The following SLC25A48 variants were observed in gnomAD, a reference collection of about 807,000 sequenced individuals.
The protein encoded by SLC25A48 is CTC-321K16.1.
Under a neutral mutation model 32.2 loss-of-function variants are expected in SLC25A48, and 29 were observed. The observed-to-expected ratio is 0.90, with a 90% CI of 0.67 to 1.23. The LOEUF is 1.23. Ranked by LOEUF, SLC25A48 falls within the 50% of genes most tolerant of loss-of-function variation. SLC25A48 has a pLI of 0.00. For missense variants in SLC25A48, 399 were observed against 422.7 expected (o/e 0.94, Z 0.49); for synonymous variants, 164 against 172.3 (o/e 0.95, Z 0.38).
chr5:135,615,416 C>T (rs969828497), intron 1 of SLC25A48, among the ~76,000 whole-genome samples: 2 of 152,182 alleles, frequency 1.3e-5, no homozygotes, highest in Non-Finnish European at 2.9e-5. Flanking sequence ...AGGTTGGTGG[C>T]ATTGTGCTCC....
At chr5:135,622,260 C>G (rs574641899) in intron 1 of SLC25A48, among the ~76,000 whole-genome samples, 18 of 152,290 alleles carry the variant, frequency 1.2e-4, no homozygotes, top group Admixed American at 3.3e-4. Flanking sequence ...TTCTGAAATG[C>G]TTATATCAAG....
chr5:135,701,472 C>G (rs1022896519), intron 3 of SLC25A48, among the ~76,000 whole-genome samples: 1 of 152,008 alleles, frequency 6.6e-6, no homozygotes, highest in Non-Finnish European at 1.5e-5. Flanking sequence ...ATAACTCCCC[C>G]CCGCCACCGG....
At chr5:135,613,433 A>T (rs1752118322) in intron 1 of SLC25A48, among the ~76,000 whole-genome samples, 1 of 152,000 alleles carries the variant, frequency 6.6e-6, no homozygotes, top group South Asian at 2.1e-4. Context: ...AGTTTATTAT[A>T]ATTTCATTTG....
chr5:135,874,510 G>T (rs1179424446), intron 6 of SLC25A48, among the ~76,000 whole-genome samples: 2 of 152,136 alleles, frequency 1.3e-5, no homozygotes, highest in Non-Finnish European at 2.9e-5. Context: ...ATGGCTCAGT[G>T]CCTTCCCCAC....
At chr5:135,777,469 A>T (rs1449540477) in intron 3 of SLC25A48, among the ~76,000 whole-genome samples, 1 of 151,476 alleles carries the variant, frequency 6.6e-6, no homozygotes, top group African/African-American at 2.4e-5. Context: ...CCCCCCTGTG[A>T]TATTGTTTCT....
At chr5:135,756,408 T>G (rs4036631) in intron 3 of SLC25A48, among the ~76,000 whole-genome samples, 115,889 of 151,988 alleles carry the variant, frequency 0.76, 44,761 homozygotes, top group Middle Eastern at 0.87. Context: ...ATATCGACCT[T>G]GTGTGGTGGC....
At chr5:135,794,591 G>C (rs1757118494) in intron 3 of SLC25A48, among the ~76,000 whole-genome samples, 1 of 151,654 alleles carries the variant, frequency 6.6e-6, no homozygotes, top group African/African-American at 2.4e-5. Flanking sequence ...CACTCCCCAT[G>C]TGAAATTGTT....
chr5:135,701,763 A>G (rs1000088330), intron 3 of SLC25A48, among the ~76,000 whole-genome samples: 1 of 152,196 alleles, frequency 6.6e-6, no homozygotes, highest in African/African-American at 2.4e-5. Context: ...TGGATGGGCT[A>G]TATGGAGTGT....
intron 3 of SLC25A48, among the ~76,000 whole-genome samples, chr5:135,757,099 TATA>T (rs1342661004): frequency 3.3e-5 from 5 of 150,356 alleles, no homozygotes; most frequent in East Asian, 2.0e-4. Context: ...ATGAGATATT[TATA>T]ATATCTAATT....
At chr5:135,782,416 G>A (rs565236344) in intron 3 of SLC25A48, among the ~76,000 whole-genome samples, 1 of 117,490 alleles carries the variant, frequency 8.5e-6, no homozygotes, top group Non-Finnish European at 2.1e-5. Context: ...CGCAGCAGGT[G>A]CACATCGCTT....
intron 2 of SLC25A48, among the ~76,000 whole-genome samples, chr5:135,847,250 G>T (rs544444272): frequency 1.2e-4 from 19 of 152,302 alleles, no homozygotes; most frequent in African/African-American, 4.3e-4. Context: ...ACTATGTATA[G>T]GTCAGAACCC....
At chr5:135,737,455 T>C (rs950435397) in intron 3 of SLC25A48, among the ~76,000 whole-genome samples, 4 of 152,208 alleles carry the variant, frequency 2.6e-5, no homozygotes, top group Non-Finnish European at 5.9e-5. Context: ...ACAGGGGATA[T>C]GATGGCTTAT....
At chr5:135,880,227 T>C in intron 7 of SLC25A48, 130 bp downstream of exon 7, 1 of 1,308,398 alleles carries the variant, frequency 7.6e-7, no homozygotes, top group Non-Finnish European at 1.0e-6. Flanking sequence ...TGTGGTAGGC[T>C]GGGGCTGCCA....
chr5:135,728,312 T>G (rs1261520166), intron 3 of SLC25A48, among the ~76,000 whole-genome samples: 1 of 151,620 alleles, frequency 6.6e-6, no homozygotes, highest in Non-Finnish European at 1.5e-5. Context: ...GTATTTTTAA[T>G]AGGTTGAACA....
chr5:135,617,181 C>A (rs1415479272), intron 1 of SLC25A48, among the ~76,000 whole-genome samples: 2 of 151,990 alleles, frequency 1.3e-5, no homozygotes, highest in Non-Finnish European at 2.9e-5. Context: ...CAGATTCAAT[C>A]TTGGTAGGCA....
At chr5:135,703,498 G>T (rs966216917) in intron 3 of SLC25A48, among the ~76,000 whole-genome samples, 1 of 152,132 alleles carries the variant, frequency 6.6e-6, no homozygotes, top group African/African-American at 2.4e-5. Context: ...AACAGGGTGG[G>T]CATTTTAAAA....
upstream of SLC25A48, among the ~76,000 whole-genome samples, chr5:135,830,844 G>A (rs76183337): frequency 6.6e-6 from 1 of 152,084 alleles, no homozygotes; most frequent in South Asian, 2.1e-4. Flanking sequence ...GGCAGAGCCC[G>A]AAAATGTCAC....
chr5:135,734,930 G>A (rs373763021), intron 3 of SLC25A48, among the ~76,000 whole-genome samples: 22 of 152,160 alleles, frequency 1.4e-4, no homozygotes, highest in Admixed American at 8.5e-4. Context: ...ATTGGGCAGC[G>A]TCAGCCTTCA....
chr5:135,709,476 C>A, intron 3 of SLC25A48, among the ~76,000 whole-genome samples: 1 of 152,238 alleles, frequency 6.6e-6, no homozygotes, highest in East Asian at 1.9e-4. Context: ...AATCTAAATT[C>A]TTACACCCCA....
Sources: gnomAD v4.1 joint callset for allele counts (sites outside exome capture counted in the v4.1 genomes callset) on GRCh38, gnomAD v4.1.1 for gene constraint, MANE v1.5 for transcripts, NCBI Gene and HGNC (gene_info 2026-07-23, HGNC 2026-07-21) for gene names.